GABRB2: variants seen among roughly 807,000 people sequenced by gnomAD.
GABRB2 encodes the protein gamma-aminobutyric acid receptor subunit beta-2.
A neutral mutation model predicts 54.7 loss-of-function variants in GABRB2; 16 were observed. The ratio of observed to expected loss-of-function variants is 0.29; its 90% CI spans 0.20 to 0.44. GABRB2 has a LOEUF of 0.44. GABRB2 is among the 20% of genes least tolerant of loss of function. GABRB2 has a pLI of 1.00. For missense variants in GABRB2, 355 were observed against 644.0 expected, an observed-to-expected ratio of 0.55 and a Z score of 4.86; for synonymous variants, 244 against 233.8, an observed-to-expected ratio of 1.04 and a Z score of -0.40.
chr5:161,301,817 C>T lies in GABRB2; in HGVS notation c.1192-7389G>A, dbSNP rs538326460. Among the ~76,000 whole-genome samples, 5 of 152,292 alleles carry T rather than the reference C, an allele frequency of 3.3e-5. No homozygotes were observed. In the South Asian group the frequency reaches 6.2e-4, roughly 19 times the overall value. ...TTTGGAGAGGCTCTATTAAGCATGC[C>T]AATGCCAACAAAGAAGTCTCCTGCT... On this transcript the variant is annotated intron_variant, in intron 9 of 9. Coordinates refer to ENST00000393959, the MANE Select transcript of GABRB2 (RefSeq NM_001371727.1).
At chr5:161,526,897 G>A (rs914854514) in intron 3 of GABRB2, among the ~76,000 whole-genome samples, 14 of 151,406 alleles carry the variant, frequency 9.2e-5, no homozygotes, top group South Asian at 2.1e-4. Context: ...GAAACATACC[G>A]TGTCCTTCAA....
chr5:161,340,170 G>A (rs932591053), intron 5 of GABRB2, among the ~76,000 whole-genome samples: 2 of 152,002 alleles, frequency 1.3e-5, no homozygotes, highest in African/African-American at 2.4e-5. Context: ...GAATGCGAAT[G>A]TCTATAGCAT....
chr5:161,462,254 G>C (rs1758137026), intron 3 of GABRB2, among the ~76,000 whole-genome samples: 1 of 152,058 alleles, frequency 6.6e-6, no homozygotes, highest in Non-Finnish European at 1.5e-5. Context: ...TCTGCTTTAG[G>C]GAAGAATTAG....
At chr5:161,407,906 T>C (rs548118870) in intron 5 of GABRB2, among the ~76,000 whole-genome samples, 38 of 152,030 alleles carry the variant, frequency 2.5e-4, no homozygotes, top group Non-Finnish European at 7.4e-5. Flanking sequence ...ATCTCAAGAA[T>C]TCTATGAAAC....
chr5:161,413,234 T>C (rs1756572482), intron 4 of GABRB2, among the ~76,000 whole-genome samples: 2 of 152,198 alleles, frequency 1.3e-5, no homozygotes, highest in Admixed American at 6.5e-5. Flanking sequence ...AGTCTTTCTA[T>C]TAATATTTGG....
chr5:161,521,272 T>C (rs1037030041), intron 3 of GABRB2, among the ~76,000 whole-genome samples: 4 of 151,978 alleles, frequency 2.6e-5, no homozygotes, highest in African/African-American at 9.7e-5. Context: ...CACCACTCTT[T>C]ATTCCTATCT....
At chr5:161,386,924 G>A (rs770413669) in intron 5 of GABRB2, among the ~76,000 whole-genome samples, 12 of 151,892 alleles carry the variant, frequency 7.9e-5, no homozygotes, top group Non-Finnish European at 1.2e-4. Context: ...ACTTGACCGC[G>A]TAAAAATGTA....
At chr5:161,528,350 CATAA>C (rs1760348450) in intron 3 of GABRB2, among the ~76,000 whole-genome samples, 1 of 151,474 alleles carries the variant, frequency 6.6e-6, no homozygotes, top group Non-Finnish European at 1.5e-5. Context: ...CTACAGTGGA[CATAA>C]ATAAGTAACA....
chr5:161,477,911 C>T (rs1758644692), intron 3 of GABRB2, among the ~76,000 whole-genome samples: 1 of 151,928 alleles, frequency 6.6e-6, no homozygotes, highest in African/African-American at 2.4e-5. Context: ...TGTAATAACA[C>T]CACTGTAAAC....
At chr5:161,405,321 CA>C (rs1394165406) in intron 5 of GABRB2, among the ~76,000 whole-genome samples, 5 of 151,926 alleles carry the variant, frequency 3.3e-5, no homozygotes, top group African/African-American at 1.2e-4. Flanking sequence ...TAACTGAGCA[CA>C]GTATTCCAGC....
At chr5:161,379,658 T>G (rs954607131) in intron 5 of GABRB2, among the ~76,000 whole-genome samples, 4 of 152,140 alleles carry the variant, frequency 2.6e-5, no homozygotes, top group Non-Finnish European at 5.9e-5. Flanking sequence ...CATTCATACA[T>G]TAATTCTAGC....
intron 3 of GABRB2, among the ~76,000 whole-genome samples, chr5:161,460,958 A>T (rs1449444367): frequency 6.6e-6 from 1 of 152,146 alleles, no homozygotes; most frequent in African/African-American, 2.4e-5. Flanking sequence ...AGCAGAGGGG[A>T]ATCTGTAGAG....
At chr5:161,493,779 T>A (rs1363199761) in intron 3 of GABRB2, among the ~76,000 whole-genome samples, 1 of 151,800 alleles carries the variant, frequency 6.6e-6, no homozygotes, top group African/African-American at 2.4e-5. Flanking sequence ...ACTACCAATT[T>A]GATAGAAGTA....
intron 9 of GABRB2, among the ~76,000 whole-genome samples, chr5:161,308,757 T>G (rs1326150279): frequency 6.6e-6 from 1 of 152,066 alleles, no homozygotes; most frequent in African/African-American, 2.4e-5. Flanking sequence ...AAACAAGCAA[T>G]GGGGAAAGGA....
chr5:161,515,537 C>T (rs1759915651), intron 3 of GABRB2, among the ~76,000 whole-genome samples: 1 of 152,146 alleles, frequency 6.6e-6, no homozygotes, highest in East Asian at 1.9e-4. Flanking sequence ...GTCTGGTATG[C>T]TTCACATATC....
At chr5:161,415,203 G>C (rs1284378518) in intron 4 of GABRB2, among the ~76,000 whole-genome samples, 4 of 152,154 alleles carry the variant, frequency 2.6e-5, no homozygotes, top group African/African-American at 4.8e-5. Context: ...TCAATCAAAG[G>C]AAAGAGTCAA....
chr5:161,377,882 T>C (rs1012152781), intron 5 of GABRB2, among the ~76,000 whole-genome samples: 2 of 152,070 alleles, frequency 1.3e-5, no homozygotes, highest in East Asian at 1.9e-4. Flanking sequence ...ATATTTTATA[T>C]ATGTTTAATT....
intron 8 of GABRB2, among the ~76,000 whole-genome samples, chr5:161,327,868 A>C: frequency 6.6e-6 from 1 of 152,098 alleles, no homozygotes; most frequent in East Asian, 1.9e-4. Flanking sequence ...AAAAATAACT[A>C]TAGAATTACA....
intron 3 of GABRB2, among the ~76,000 whole-genome samples, chr5:161,542,604 A>T (rs1292144138): frequency 6.6e-6 from 1 of 152,204 alleles, no homozygotes; most frequent in East Asian, 1.9e-4. Flanking sequence ...GGAGCATCAC[A>T]CTGACATGGA....
Sources: gnomAD v4.1 joint callset for allele counts (sites outside exome capture counted in the v4.1 genomes callset) on GRCh38, gnomAD v4.1.1 for gene constraint, MANE v1.5 for transcripts, NCBI Gene and HGNC (gene_info 2026-07-23, HGNC 2026-07-21) for gene names.